The following CEP295 variants were observed in gnomAD, a reference collection of about 807,000 sequenced individuals.
CEP295 encodes centrosomal protein 295, also known as centrosomal protein of 295 kDa.
Under a neutral mutation model 291.6 loss-of-function variants are expected in CEP295, and 190 were observed. The ratio of observed to expected loss-of-function variants is 0.65; its 90% confidence interval spans 0.58 to 0.73. The LOEUF (loss-of-function observed/expected upper bound fraction) is 0.73. CEP295 is among the 30% of genes least tolerant of loss of function. The pLI is 0.00. For missense variants in CEP295, 2,863 were observed against 2,949.4 expected (o/e 0.97, Z 0.68); for synonymous variants, 993 against 1,038.8 (o/e 0.96, Z 0.85).
intron 10 of CEP295, 90 bp downstream of exon 10, chr11:93,687,955 A>G (rs1301404813): frequency 2.4e-6 from 2 of 817,136 alleles, no homozygotes; most frequent in East Asian, 2.8e-5. Context: ...AATAGAGGTT[A>G]AAAGGAACAA....
chr11:93,691,957 T>A lies in CEP295; in HGVS notation c.1460T>A (p.Val487Glu). The change falls in exon 12 of 30, where the codon GTA becomes GAA. Residue 487 changes from valine to glutamate, a missense_variant. Val to Glu is a moderately radical substitution (Grantham distance 121, BLOSUM62 -2). Coordinates refer to ENST00000325212, the MANE Select transcript of CEP295 (RefSeq NM_033395.2). Reference protein sequence around the residue: ...EINETLPITTVAQSSVLLHPQ... With the variant: ...EINETLPITTEAQSSVLLHPQ... The stretch of plus-strand genomic sequence containing the variant: ...AATGAGACTCTGCCTATCACAACTG[T>A]AGCTCAGAGTTCAGTTCTACTTCAT... 6.5e-7 allele frequency: 1 copy of A among 1,545,828 alleles called. No homozygotes were observed. Among genetic ancestry groups the A allele is most frequent in the Admixed American group, 2.0e-5 (1 of 50,892 alleles).
At chr11:93,694,652 G>A (rs1286140303) in intron 12 of CEP295, among the ~76,000 whole-genome samples, 1 of 152,166 alleles carries the variant, frequency 6.6e-6, no homozygotes, top group Non-Finnish European at 1.5e-5. Context: ...GTAACAAATG[G>A]CCTGGTCCAG....
At chr11:93,694,942 TAG>T (rs1378521858) in intron 12 of CEP295, among the ~76,000 whole-genome samples, 4 of 152,196 alleles carry the variant, frequency 2.6e-5, no homozygotes, top group African/African-American at 9.6e-5. Context: ...TCATATTACT[TAG>T]AGTGTGAGTG....
chr11:93,703,862 A>G (rs961104098), intron 17 of CEP295, among the ~76,000 whole-genome samples: 7 of 141,050 alleles, frequency 5.0e-5, no homozygotes, highest in Admixed American at 7.8e-5. Flanking sequence ...TCCGCCTCCC[A>G]GGTTCACGCC....
intron 5 of CEP295, among the ~76,000 whole-genome samples, chr11:93,673,731 G>T (rs1213374838): frequency 6.6e-6 from 1 of 152,070 alleles, no homozygotes; most frequent in Non-Finnish European, 1.5e-5. Flanking sequence ...GACATCAAGT[G>T]ATCTGCCTGC....
At chr11:93,671,976 C>G (rs1349413526) in intron 5 of CEP295, among the ~76,000 whole-genome samples, 1 of 152,130 alleles carries the variant, frequency 6.6e-6, no homozygotes, top group Non-Finnish European at 1.5e-5. Flanking sequence ...AGAATTGATA[C>G]TTCTTGTGTA....
chr11:93,693,389 T>TTA (rs1951687454), intron 12 of CEP295, among the ~76,000 whole-genome samples: 1 of 152,190 alleles, frequency 6.6e-6, no homozygotes, highest in African/African-American at 2.4e-5. Flanking sequence ...GCAGGCCAGT[T>TTA]TATAGTCCTA....
At chr11:93,664,933 A>G (rs1272977393) in intron 1 of CEP295, among the ~76,000 whole-genome samples, 3 of 152,210 alleles carry the variant, frequency 2.0e-5, no homozygotes, top group Admixed American at 6.5e-5. Flanking sequence ...TTAGGAATCT[A>G]ACTAGAAAGA....
chr11:93,727,477 T>C lies in CEP295; in HGVS notation c.7001T>C (p.Ile2334Thr), dbSNP rs2135358181. 3 of 1,552,012 alleles carry C rather than the reference T, an allele frequency of 1.9e-6. No homozygotes were observed. The highest frequency in any genetic ancestry group is 4.9e-5 in the East Asian group (2 of 40,900). The change falls in exon 24 of 30, where the codon ATT becomes ACT. Residue 2334 changes from isoleucine (I) to threonine (T), a missense_variant. Coordinates refer to ENST00000325212, the MANE Select transcript of CEP295 (RefSeq NM_033395.2). ...AGAACAGTGGAGATGGGAACTTCAA[T>C]TCAGGCACCATATTCCTTAACTACT... ...CVRTVEMGTS[I>T]QAPYSLTTQN...
In CEP295 at chr11:93,724,364, G is replaced by C. The variant is rs1453059046; in HGVS notation, c.6307G>C (p.Asp2103His). The C allele has an allele frequency of 6.5e-7, 1 of 1,549,918 alleles. No individual in the cohort carries two copies. The highest frequency in any genetic ancestry group is 2.0e-5 in the Admixed American group (1 of 50,870). The part of the protein sequence containing the change: ...SSSGISPDNR[D>H]FYQRSDSSSE... ...CTCTGGGATTTCTCCAGACAACAGAGACTTTTACCAGGTATATTAAAGTAG... is the reference window on the plus strand; with the variant it reads ...CTCTGGGATTTCTCCAGACAACAGACACTTTTACCAGGTATATTAAAGTAG... Residue 2103 changes from aspartate (D) to histidine (H), a missense_variant, in exon 22 of 30, where the codon GAC (aspartate) becomes CAC (histidine). Transcript: ENST00000325212.
intron 18 of CEP295, among the ~76,000 whole-genome samples, chr11:93,717,375 C>A (rs1953345479): frequency 6.6e-6 from 1 of 152,156 alleles, no homozygotes; most frequent in African/African-American, 2.4e-5. Context: ...GAGCGTCTGA[C>A]CTGTTGCGGT....
chr11:93,724,976 C>T (rs1338826352), intron 22 of CEP295, among the ~76,000 whole-genome samples: 9 of 151,536 alleles, frequency 5.9e-5, no homozygotes, highest in Non-Finnish European at 1.2e-4. Flanking sequence ...TGCATTGGGC[C>T]GGGTGCGGTG....
At chr11:93,721,525 C>G in intron 19 of CEP295, 113 bp downstream of exon 19, 1 of 815,034 alleles carries the variant, frequency 1.2e-6, no homozygotes, top group Non-Finnish European at 2.2e-6. Context: ...TTTCTGAGAT[C>G]TGCTTTTAGT....
intron 18 of CEP295, among the ~76,000 whole-genome samples, chr11:93,709,717 G>A (rs183749008): frequency 1.3e-3 from 197 of 152,190 alleles, no homozygotes; most frequent in African/African-American, 4.4e-3. Flanking sequence ...CATTGAATCT[G>A]CAGATTGCTT....
chr11:93,667,412 T>C (rs539213352), intron 2 of CEP295, among the ~76,000 whole-genome samples, 195 bp from the exon 3 acceptor site: 1 of 152,300 alleles, frequency 6.6e-6, no homozygotes, highest in South Asian at 2.1e-4. Flanking sequence ...ACATTAGATA[T>C]AGTCTTGAGA....
rs1307478613 is a variant in CEP295, at chr11:93,729,643, G to A, written c.7429G>A (p.Gly2477Arg). 1.3e-6 allele frequency: 2 copies of A among 1,550,570 alleles called. No homozygotes were observed. Among genetic ancestry groups the A allele is most frequent in the East Asian group, 2.4e-5 (1 of 40,916 alleles). ...ETPRRLTPVP[G>R]SLQEAFIKRK... ...CCCTCGCAGGCTTACACCTGTACCA[G>A]GGAGCTTACAAGAAGCATTTATAAA... Residue 2477 changes from glycine (G) to arginine (R), a missense_variant, in exon 27 of 30, where the codon GGG (glycine) becomes AGG (arginine). Physicochemically the swap from Gly to Arg is moderately radical, Grantham distance 125. Around this residue, in one of 3 missense-constraint regions of CEP295, gnomAD observed 2,295 missense variants for 2,335.7 expected, o/e 0.98. Transcript: ENST00000325212.
At position 93,698,463 on chromosome 11, in the gene CEP295, A is replaced by C. The variant is rs1337050228; in HGVS notation, c.3551A>C (p.Gln1184Pro). ...RVILGAKEGTQEFVHTESELE... is the reference protein window; with the variant it reads ...RVILGAKEGTPEFVHTESELE... ...ATACTTGGTGCTAAAGAAGGAACTC[A>C]GGAATTTGTACACACAGAAAGTGAA... Residue 1184 changes from glutamine to proline, a missense_variant, in exon 15 of 30, where the codon CAG (glutamine) becomes CCG (proline). By Grantham distance (76) the Gln-to-Pro change is moderately conservative. This residue lies in a region of CEP295 where 2,295 missense variants were observed against 2,335.7 expected (regional missense o/e 0.98). Coordinates refer to ENST00000325212, the MANE Select transcript of CEP295 (RefSeq NM_033395.2). 8 of 1,551,896 alleles carry C rather than the reference A, an allele frequency of 5.2e-6. No homozygotes were observed. In the East Asian group the frequency reaches 2.0e-4, roughly 38 times the overall value.
At chr11:93,696,125 T>C (rs559747030) in intron 13 of CEP295, among the ~76,000 whole-genome samples, 195 bp from the exon 14 acceptor site, 78 of 152,334 alleles carry the variant, frequency 5.1e-4, no homozygotes, top group African/African-American at 1.9e-3. Context: ...GGTTTGTAGG[T>C]AATGCGTATG....
chr11:93,689,486 C>A (rs915071542), intron 10 of CEP295, among the ~76,000 whole-genome samples: 2 of 152,160 alleles, frequency 1.3e-5, no homozygotes, highest in Admixed American at 1.3e-4. Context: ...CTAGACTTCT[C>A]TTTTTCTTGG....
Sources: allele counts gnomAD v4.1 joint callset (sites outside exome capture counted in the v4.1 genomes callset), GRCh38; gene constraint gnomAD v4.1.1; regional missense constraint gnomAD v4.1.1; transcripts MANE v1.5; gene names NCBI Gene and HGNC (gene_info 2026-07-23, HGNC 2026-07-21).